Variants in ACSM2A observed in about 807,000 individuals in gnomAD.
ACSM2A encodes the protein acyl-coenzyme A synthetase ACSM2A, mitochondrial.
ACSM2A carries 72 observed loss-of-function variants against 76.6 expected under a neutral mutation model. That is an observed-to-expected ratio of 0.94 (90% CI 0.78 to 1.14). The LOEUF (loss-of-function observed/expected upper bound fraction) is 1.14, where lower values mean the gene tolerates loss of function less well. Among genes scored for constraint, ACSM2A ranks in the 50% most tolerant of loss-of-function variants. The probability of loss-of-function intolerance (pLI) is 0.00; values close to 1 mark genes in which losing one functional copy is unlikely to be tolerated. For synonymous variants in ACSM2A, 249 were observed against 255.9 expected (o/e 0.97, Z 0.26); for missense variants, 684 against 708.5 (o/e 0.97, Z 0.39).
intron 1 of ACSM2A, among the ~76,000 whole-genome samples, chr16:20,452,760 A>G (rs1220161867): frequency 2.0e-5 from 3 of 150,674 alleles, no homozygotes; most frequent in Non-Finnish European, 4.4e-5. Context: ...TAATATGATT[A>G]GACCCCAAAA....
chr16:20,474,081 G>T (rs1287778184), intron 6 of ACSM2A: 1 of 448,438 alleles, frequency 2.2e-6, no homozygotes, highest in Non-Finnish European at 4.4e-6. Flanking sequence ...AAATGTGTTT[G>T]ATTGATGTCT....
chr16:20,467,202 G>A, intron 3 of ACSM2A, among the ~76,000 whole-genome samples: 1 of 152,212 alleles, frequency 6.6e-6, no homozygotes, highest in East Asian at 1.9e-4. Context: ...CTGAAGTCCA[G>A]GCCATAAAAG....
intron 13 of ACSM2A, among the ~76,000 whole-genome samples, chr16:20,483,465 G>C (rs1276924262): frequency 2.0e-5 from 3 of 148,526 alleles, no homozygotes; most frequent in Non-Finnish European, 3.0e-5. Context: ...AGCTACTCAG[G>C]AGGCTGAGGC....
In ACSM2A at chr16:20,460,397, C is replaced by T. The variant is rs2012544640; in HGVS notation, c.177+106C>T. ...TTAAGTACTTATTACATGTAAGGCA[C>T]TGTAATAAGCTATGGACAAGACACT... On this transcript the variant is annotated intron_variant, in intron 2 of 13. Coordinates refer to ENST00000573854, the MANE Select transcript of ACSM2A (RefSeq NM_001308172.2). 2.7e-6 allele frequency: 4 copies of T among 1,481,060 alleles called. No individual in the cohort carries two copies. In the South Asian group the frequency reaches 4.1e-5, roughly 15 times the overall value. 91.7% of individuals were successfully genotyped at this position (1,481,060 alleles called of 1,614,324 possible).
At chr16:20,480,100 G>A (rs370866290) in intron 10 of ACSM2A, among the ~76,000 whole-genome samples, 13 of 152,274 alleles carry the variant, frequency 8.5e-5, no homozygotes, top group East Asian at 5.8e-4. Flanking sequence ...CTGAATAGAC[G>A]GACCCAGCTA....
intron 10 of ACSM2A, among the ~76,000 whole-genome samples, chr16:20,479,834 A>C (rs765801349): frequency 5.3e-5 from 8 of 152,298 alleles, no homozygotes; most frequent in South Asian, 2.1e-4. Flanking sequence ...TGGCCAAGAA[A>C]CCTGGCTTCT....
chr16:20,453,299 T>C (rs2011903170), intron 1 of ACSM2A: 2 of 151,672 alleles, frequency 1.3e-5, no homozygotes, highest in African/African-American at 4.8e-5. Context: ...AGAACATAAA[T>C]TGTGAAGATT....
rs551985912 is a variant in ACSM2A, at chr16:20,457,652, C to A, written c.-8-2455C>A. Among the ~76,000 whole-genome samples the A allele has an allele frequency of 8.5e-5, 13 of 152,088 alleles. No individual in the cohort carries two copies. The South Asian group carries it at 2.5e-3, about 29-fold the overall frequency. ...TAAAACCCTCAGCAAAATCAGCATA[C>A]CATGGATATACCTTAATGTAATAAA... On this transcript the variant is annotated intron_variant, in intron 1 of 13. Transcript: ENST00000573854.
chr16:20,486,527 A>G, intron 13 of ACSM2A, 47 bp from the exon 14 acceptor site: 1 of 1,604,898 alleles, frequency 6.2e-7, no homozygotes, highest in East Asian at 2.2e-5. Context: ...AATGCAACCC[A>G]CTGTCGTCAC....
intron 4 of ACSM2A, 34 bp downstream of exon 4, chr16:20,469,753 C>A (rs770825618): frequency 8.7e-6 from 14 of 1,609,928 alleles, no homozygotes; most frequent in Non-Finnish European, 4.2e-6. Flanking sequence ...TGGGTTTTAA[C>A]TAAAACTGGA....
chr16:20,477,781 T>C (rs552748464), intron 9 of ACSM2A, among the ~76,000 whole-genome samples: 1 of 152,192 alleles, frequency 6.6e-6, no homozygotes, highest in South Asian at 2.1e-4. Flanking sequence ...ATTTAACAAT[T>C]TAGGTAAGGA....
intron 1 of ACSM2A, chr16:20,453,824 G>T (rs1425055546): frequency 1.5e-5 from 2 of 129,636 alleles, no homozygotes; most frequent in Admixed American, 1.5e-4. Context: ...TTATGCGGTT[G>T]AGATAAGGAC....
chr16:20,473,762 T>C (rs1471423875), intron 6 of ACSM2A, among the ~76,000 whole-genome samples: 1 of 152,032 alleles, frequency 6.6e-6, no homozygotes, highest in East Asian at 1.9e-4. Context: ...TGATAGGAAG[T>C]GGGAGTGGGA....
In ACSM2A at chr16:20,486,689, A is replaced by G; in HGVS notation, c.*11A>G. 1 of 1,613,850 alleles carries G rather than the reference A, an allele frequency of 6.2e-7. No homozygotes were observed. Among genetic ancestry groups the G allele is most frequent in the South Asian group, 1.1e-5 (1 of 91,052 alleles). The stretch of plus-strand genomic sequence containing the variant: ...GCCCGTGCGCAGTGAGACATCTAAG[A>G]GACATTCATTTGGATTCCCCTCTTC... On this transcript the variant is annotated 3_prime_UTR_variant, in exon 14 of 14. Coordinates refer to ENST00000573854, the MANE Select transcript of ACSM2A (RefSeq NM_001308172.2).
chr16:20,470,024 G>C (rs2013288110), intron 4 of ACSM2A, among the ~76,000 whole-genome samples: 2 of 151,946 alleles, frequency 1.3e-5, no homozygotes, highest in South Asian at 4.2e-4. Context: ...GTCCCCACAG[G>C]TTCAGGGTTG....
Position 20,483,155 on chromosome 16 carries a change from C to A in ACSM2A, c.1607C>A (p.Ala536Asp), listed in dbSNP as rs761892143. The A allele has an allele frequency of 2.2e-5, 35 of 1,613,916 alleles. No homozygotes were observed. Among genetic ancestry groups the A allele is most frequent in the Non-Finnish European group, 3.0e-5 (35 of 1,179,962 alleles). ...ELQQHVKSVT[A>D]PYKYPRKIEF... Reference sequence around the variant, plus strand: ...CAGCAGCATGTGAAGTCAGTGACAGCCCCATACAAGTACCCAAGAAAGGTA... The same window carrying A: ...CAGCAGCATGTGAAGTCAGTGACAGACCCATACAAGTACCCAAGAAAGGTA... Residue 536 changes from alanine (A) to aspartate (D), a missense_variant, in exon 13 of 14, where the codon GCC (alanine) becomes GAC (aspartate). Around this residue, in one of 3 missense-constraint regions of ACSM2A, gnomAD observed 159 missense variants for 132.5 expected, o/e 1.20. Transcript: ENST00000573854.
chr16:20,467,516 G>A (rs534450466), intron 3 of ACSM2A, among the ~76,000 whole-genome samples: 18 of 152,178 alleles, frequency 1.2e-4, no homozygotes, highest in Non-Finnish European at 2.2e-4. Context: ...CTTCAGTTTC[G>A]TTGAGGTAGT....
At chr16:20,459,042 G>A (rs2012439544) in intron 1 of ACSM2A, among the ~76,000 whole-genome samples, 1 of 150,730 alleles carries the variant, frequency 6.6e-6, no homozygotes, top group Non-Finnish European at 1.5e-5. Flanking sequence ...AAGTAATTCA[G>A]GAATGGAAAC....
intron 13 of ACSM2A, among the ~76,000 whole-genome samples, chr16:20,486,053 A>T (rs1227039356): frequency 6.6e-6 from 1 of 152,248 alleles, no homozygotes; most frequent in African/African-American, 2.4e-5. Flanking sequence ...AAAATGAGGT[A>T]TCCTAATTCT....
Sources: allele counts gnomAD v4.1 joint callset (sites outside exome capture counted in the v4.1 genomes callset), GRCh38; gene constraint gnomAD v4.1.1; regional missense constraint gnomAD v4.1.1; transcripts MANE v1.5; gene names NCBI Gene and HGNC (gene_info 2026-07-23, HGNC 2026-07-21).